The following CDH13 variants were observed in gnomAD, a reference collection of about 807,000 sequenced individuals.
CDH13 encodes the protein cadherin 13.
A neutral mutation model predicts 63.8 loss-of-function variants in CDH13; 24 were observed. The ratio of observed to expected loss-of-function variants is 0.38; its 90% CI spans 0.27 to 0.53. The LOEUF is 0.53. Among genes scored for constraint, CDH13 ranks in the 20% least tolerant of loss-of-function variants. CDH13 has a pLI of 0.85. For missense variants in CDH13, 1,049 were observed against 903.1 expected, an observed-to-expected ratio of 1.16 and a Z score of -2.07; for synonymous variants, 503 against 355.3, an observed-to-expected ratio of 1.42 and a Z score of -4.67.
intron 5 of CDH13, among the ~76,000 whole-genome samples, chr16:83,220,655 G>GA (rs34803857): frequency 0.74 from 101,942 of 137,682 alleles, 38,245 homozygotes; most frequent in East Asian, 0.95. Flanking sequence ...AACAGAGCAA[G>GA]AAAAAAAAAG....
At chr16:82,700,811 T>C (rs1284554934) in intron 1 of CDH13, among the ~76,000 whole-genome samples, 1 of 152,102 alleles carries the variant, frequency 6.6e-6, no homozygotes. Flanking sequence ...TCCCAATACA[T>C]CAAGTTGTGT....
chr16:83,058,193 C>A (rs2031150214), intron 3 of CDH13, among the ~76,000 whole-genome samples: 1 of 152,040 alleles, frequency 6.6e-6, no homozygotes. Context: ...TGACCTTAGC[C>A]CCTCTCCTTT....
chr16:83,447,065 A>AAC lies in CDH13; in HGVS notation c.782-39411_782-39410insCA, dbSNP rs560971296. ...TGGTCACCCGTCTTAAAAAAAAAAA[A>AAC]AAAAAAAAACAAAAAACACCTTATA... On this transcript the variant is annotated intron_variant, in intron 6 of 13. Transcript: ENST00000567109. 1.0e-3 allele frequency among the ~76,000 whole-genome samples: 142 copies of AAC among 141,492 alleles called. 8 individuals are homozygous for AAC. The South Asian group carries it at 0.029, about 29-fold the overall frequency. 92.8% of individuals were successfully genotyped at this position (141,492 alleles called of 152,430 possible). A position where few individuals can be genotyped will look rare whatever the true frequency, so the allele number is the denominator to read the frequency against.
At chr16:82,937,794 T>A (rs755742613) in intron 2 of CDH13, among the ~76,000 whole-genome samples, 3 of 152,258 alleles carry the variant, frequency 2.0e-5, no homozygotes, top group Admixed American at 2.0e-4. Flanking sequence ...TATATTCTGA[T>A]GATTTGTAGA....
chr16:82,952,134 C>T (rs572077527), intron 2 of CDH13, among the ~76,000 whole-genome samples: 1 of 152,302 alleles, frequency 6.6e-6, no homozygotes, highest in Admixed American at 6.5e-5. Context: ...AACGTGACTC[C>T]TTGCTCATCA....
intron 10 of CDH13, among the ~76,000 whole-genome samples, chr16:83,687,037 C>A (rs967229891): frequency 2.6e-5 from 4 of 152,058 alleles, no homozygotes; most frequent in South Asian, 2.1e-4. Context: ...TGGTGAAACC[C>A]CATCTGTACT....
Position 83,798,594 on chromosome 16 carries a change from A to T in CDH13, c.*3564A>T, listed in dbSNP as rs1321192895. On this transcript the variant is annotated 3_prime_UTR_variant, in exon 14 of 14. Coordinates refer to ENST00000567109, the MANE Select transcript of CDH13 (RefSeq NM_001257.5). ...TAAGTGGCCTCCAGAACCAAACCTCAGGCTATCTGGCTCCAGGGTTCATGT... is the reference window on the plus strand; with the variant it reads ...TAAGTGGCCTCCAGAACCAAACCTCTGGCTATCTGGCTCCAGGGTTCATGT... The T allele has an allele frequency of 6.6e-6, 1 of 152,206 alleles. No homozygotes were observed. The highest frequency in any genetic ancestry group is 1.5e-5 in the Non-Finnish European group (1 of 68,032). The allele number at this position is 152,206 out of a possible 1,614,324, so 9.4% of individuals were successfully genotyped here.
chr16:82,935,639 G>C (rs1026564814), intron 2 of CDH13, among the ~76,000 whole-genome samples: 1 of 152,268 alleles, frequency 6.6e-6, no homozygotes, highest in Admixed American at 6.5e-5. Flanking sequence ...ACGTATAGCA[G>C]GGGTCCCCAA....
chr16:82,671,507 A>G (rs1402739300), intron 1 of CDH13, among the ~76,000 whole-genome samples: 1 of 152,214 alleles, frequency 6.6e-6, no homozygotes, highest in African/African-American at 2.4e-5. Context: ...TAAGAAAACG[A>G]TTACACCTAT....
At chr16:83,281,468 G>C (rs2089173255) in intron 5 of CDH13, among the ~76,000 whole-genome samples, 1 of 152,206 alleles carries the variant, frequency 6.6e-6, no homozygotes, top group African/African-American at 2.4e-5. Flanking sequence ...CAATAAGGCA[G>C]TTTCACTTCC....
intron 6 of CDH13, among the ~76,000 whole-genome samples, chr16:83,433,231 T>C (rs1376668082): frequency 6.6e-6 from 1 of 152,220 alleles, no homozygotes; most frequent in Non-Finnish European, 1.5e-5. Context: ...GTCCTGGCTC[T>C]TGTGTGAATT....
chr16:83,657,985 T>TC (rs1913029993), intron 8 of CDH13, among the ~76,000 whole-genome samples: 1 of 144,766 alleles, frequency 6.9e-6, no homozygotes, highest in African/African-American at 2.7e-5. Context: ...CACCACCAGG[T>TC]CCCATATCCT....
intron 11 of CDH13, among the ~76,000 whole-genome samples, chr16:83,767,442 T>A (rs560516503): frequency 6.6e-6 from 1 of 152,342 alleles, no homozygotes; most frequent in East Asian, 1.9e-4. Flanking sequence ...GTGACTTTGC[T>A]TCTCATTCTC....
At chr16:83,018,462 T>A (rs1597149113) in intron 2 of CDH13, among the ~76,000 whole-genome samples, 1 of 152,170 alleles carries the variant, frequency 6.6e-6, no homozygotes, top group Admixed American at 6.5e-5. Flanking sequence ...GTAAGAGACA[T>A]CATTCAATGC....
intron 10 of CDH13, among the ~76,000 whole-genome samples, chr16:83,720,562 G>A (rs558357967): frequency 2.6e-5 from 4 of 151,970 alleles, no homozygotes; most frequent in Non-Finnish European, 1.5e-5. Context: ...GGGCAACATA[G>A]TGAGACCCCG....
chr16:83,393,670 T>G (rs982260972), intron 6 of CDH13, among the ~76,000 whole-genome samples: 18 of 152,214 alleles, frequency 1.2e-4, no homozygotes, highest in African/African-American at 1.7e-4. Flanking sequence ...TTCAGTTGAA[T>G]CATTCATTCA....
At chr16:83,296,980 G>T (rs1026880058) in intron 5 of CDH13, among the ~76,000 whole-genome samples, 1 of 152,164 alleles carries the variant, frequency 6.6e-6, no homozygotes, top group Non-Finnish European at 1.5e-5. Context: ...GAGGAATGAT[G>T]AGATAAGATA....
At chr16:83,500,291 C>CTT (rs1567715229) in intron 7 of CDH13, among the ~76,000 whole-genome samples, 131 of 1,892 alleles carry the variant, frequency 0.069, 14 homozygotes, top group East Asian at 0.56. Context: ...TCTTCTTCTT[C>CTT]TTCTCCTTCT....
intron 3 of CDH13, among the ~76,000 whole-genome samples, chr16:83,048,810 G>A (rs907397126): frequency 1.3e-5 from 2 of 151,932 alleles, no homozygotes; most frequent in African/African-American, 4.8e-5. Context: ...TCCTCCCCCA[G>A]CCTCCAAACG....
Sources: gnomAD v4.1 joint callset for allele counts (sites outside exome capture counted in the v4.1 genomes callset) on GRCh38, gnomAD v4.1.1 for gene constraint, MANE v1.5 for transcripts, NCBI Gene and HGNC (gene_info 2026-07-23, HGNC 2026-07-21) for gene names.